Variants in CNIH3 observed in about 807,000 individuals in gnomAD.
CNIH3 encodes cornichon family AMPA receptor auxiliary protein 3, also known as protein cornichon homolog 3.
CNIH3 carries 14 observed loss-of-function variants against 24.1 expected under a neutral mutation model. The observed-to-expected ratio is 0.58, with a 90% CI of 0.38 to 0.91. The LOEUF is 0.91. Ranked by LOEUF, CNIH3 falls within the 40% of genes least tolerant of loss-of-function variation. CNIH3 has a pLI of 0.00. For missense variants in CNIH3, 178 were observed against 196.8 expected, an observed-to-expected ratio of 0.90 and a Z score of 0.57; for synonymous variants, 68 against 73.8, an observed-to-expected ratio of 0.92 and a Z score of 0.40.
chr1:224,610,196 C>T lies in CNIH3; in HGVS notation n.402+43932C>T, dbSNP rs150370817. Among the ~76,000 whole-genome samples, 705 of 152,204 alleles carry T rather than the reference C, an allele frequency of 4.6e-3. 3 individuals carry two copies. The highest frequency in any genetic ancestry group is 0.016 in the African/African-American group (671 of 41,518). Reference sequence around the variant, plus strand: ...GCTAAGTTATAATGTGTGATAGGTTCGATGTATTAAATGCATTTTGATGTA... The same window carrying T: ...GCTAAGTTATAATGTGTGATAGGTTTGATGTATTAAATGCATTTTGATGTA... On this transcript the variant is annotated intron_variant and non_coding_transcript_variant, in intron 3 of 7. Coordinates refer to the CNIH3 transcript ENST00000478120.
intron 1 of CNIH3, among the ~76,000 whole-genome samples, chr1:224,486,537 TC>T (rs1436953961): frequency 4.6e-5 from 7 of 152,216 alleles, no homozygotes; most frequent in African/African-American, 7.2e-5. Context: ...TAAGTTTTTT[TC>T]CTGTATACAC....
chr1:224,739,263 T>G, intron 5 of CNIH3, 66 bp from the exon 6 acceptor site: 1 of 1,546,454 alleles, frequency 6.5e-7, no homozygotes, highest in Non-Finnish European at 8.7e-7. Context: ...GCAGCCTGAG[T>G]CCTCTGTGGG....
intron 3 of CNIH3, among the ~76,000 whole-genome samples, chr1:224,552,680 G>A (rs1015977328): frequency 1.3e-5 from 2 of 150,822 alleles, no homozygotes; most frequent in African/African-American, 4.9e-5. Flanking sequence ...AACATCACAG[G>A]GTGGACTGTG....
intron 1 of CNIH3, among the ~76,000 whole-genome samples, chr1:224,500,604 C>T (rs534711793): frequency 2.0e-3 from 306 of 151,442 alleles, no homozygotes; most frequent in Middle Eastern, 3.4e-3. Flanking sequence ...ACTCAGGGGG[C>T]GGAGGTTGCA....
chr1:224,587,664 C>T (rs552674596), intron 5 of CNIH3, among the ~76,000 whole-genome samples: 112 of 152,260 alleles, frequency 7.4e-4, no homozygotes, highest in Middle Eastern at 3.4e-3. Context: ...ACAGGCCGGG[C>T]ATAGTGGCTT....
At chr1:224,615,138 T>A (rs1182352764), upstream of CNIH3, 1 of 152,072 alleles carries the variant, frequency 6.6e-6, no homozygotes, top group African/African-American at 2.4e-5. Context: ...TGGAATCACA[T>A]CTGTGAACAG....
intron 1 of CNIH3, among the ~76,000 whole-genome samples, chr1:224,495,166 A>AT (rs1194830641): frequency 6.6e-6 from 1 of 152,222 alleles, no homozygotes; most frequent in East Asian, 1.9e-4. Context: ...AGACTCATCA[A>AT]TTTTTTGGCT....
In CNIH3 at chr1:224,472,495, A is replaced by G. The variant is rs186933767; in HGVS notation, n.203+37633A>G. Among the ~76,000 whole-genome samples the G allele has an allele frequency of 3.6e-3, 553 of 152,320 alleles. 6 individuals are homozygous for G. Among genetic ancestry groups the G allele is most frequent in the African/African-American group, 0.013 (524 of 41,564 alleles). Reference sequence around the variant, plus strand: ...AATAATGACATTCGCAGCAACCTGGATGGAATTGGAAATTATTATTCTAAG... The same window carrying G: ...AATAATGACATTCGCAGCAACCTGGGTGGAATTGGAAATTATTATTCTAAG... On this transcript the variant is annotated intron_variant and non_coding_transcript_variant, in intron 1 of 5. Coordinates refer to the CNIH3 transcript ENST00000471578.
At chr1:224,487,726 C>T (rs957787452) in intron 1 of CNIH3, among the ~76,000 whole-genome samples, 2 of 152,168 alleles carry the variant, frequency 1.3e-5, no homozygotes, top group African/African-American at 4.8e-5. Context: ...GAAGGATGTA[C>T]CTGTAACTAT....
At chr1:224,685,342 C>T (rs1558291667) in intron 3 of CNIH3, among the ~76,000 whole-genome samples, 1 of 152,310 alleles carries the variant, frequency 6.6e-6, no homozygotes, top group African/African-American at 2.4e-5. Flanking sequence ...GGCAGAGTCA[C>T]GTCATTCAGA....
At chr1:224,438,783 C>T (rs1674774120) in intron 1 of CNIH3, among the ~76,000 whole-genome samples, 1 of 152,042 alleles carries the variant, frequency 6.6e-6, no homozygotes, top group Non-Finnish European at 1.5e-5. Flanking sequence ...TTTCGCAGCC[C>T]CTCAGGCATG....
At chr1:224,479,341 A>T (rs1052927630) in intron 1 of CNIH3, among the ~76,000 whole-genome samples, 1 of 151,802 alleles carries the variant, frequency 6.6e-6, no homozygotes, top group African/African-American at 2.4e-5. Context: ...TTTAGTAGAG[A>T]CGGAGTTTCT....
At chr1:224,625,288 G>A (rs996105841) in intron 1 of CNIH3, among the ~76,000 whole-genome samples, 8 of 152,180 alleles carry the variant, frequency 5.3e-5, no homozygotes, top group African/African-American at 1.9e-4. Context: ...GGTGGCTCAC[G>A]CCTGTAATCC....
chr1:224,559,878 C>T (rs1331906964), intron 3 of CNIH3, among the ~76,000 whole-genome samples: 1 of 152,164 alleles, frequency 6.6e-6, no homozygotes, highest in Non-Finnish European at 1.5e-5. Context: ...AACCACTATC[C>T]TGGTCTTCAT....
intron 1 of CNIH3, among the ~76,000 whole-genome samples, chr1:224,519,881 T>G (rs1369799291): frequency 4.6e-5 from 7 of 152,160 alleles, no homozygotes; most frequent in East Asian, 1.9e-4. Context: ...ATTGATTTTG[T>G]CAGTCACAGT....
intron 1 of CNIH3, among the ~76,000 whole-genome samples, chr1:224,491,169 T>TA (rs1354317653): frequency 4.6e-5 from 7 of 152,214 alleles, no homozygotes; most frequent in African/African-American, 1.7e-4. Context: ...AACAGGCCCT[T>TA]ATTAGTGTAT....
intron 4 of CNIH3, among the ~76,000 whole-genome samples, chr1:224,575,705 C>G (rs537461272): frequency 4.3e-4 from 65 of 152,138 alleles, no homozygotes; most frequent in African/African-American, 1.5e-3. Flanking sequence ...GAAATGTCAT[C>G]CTTTCAGCAA....
At chr1:224,664,352 C>T (rs1426225033) in intron 1 of CNIH3, among the ~76,000 whole-genome samples, 1 of 152,156 alleles carries the variant, frequency 6.6e-6, no homozygotes, top group Non-Finnish European at 1.5e-5. Context: ...AAACCATCAG[C>T]ATAAGTTCTA....
chr1:224,655,229 G>A (rs1685043718), intron 1 of CNIH3, among the ~76,000 whole-genome samples: 2 of 152,148 alleles, frequency 1.3e-5, no homozygotes, highest in Admixed American at 6.5e-5. Context: ...TAGAGACACT[G>A]TGAAGCCACA....
Sources: gnomAD v4.1 joint callset for allele counts (sites outside exome capture counted in the v4.1 genomes callset) on GRCh38, gnomAD v4.1.1 for gene constraint, MANE v1.5 for transcripts, NCBI Gene and HGNC (gene_info 2026-07-23, HGNC 2026-07-21) for gene names.